CCBE1: variants seen among roughly 807,000 people sequenced by gnomAD.
CCBE1 encodes collagen and calcium-binding EGF domain-containing protein 1.
A neutral mutation model predicts 50.0 loss-of-function variants in CCBE1; 37 were observed. The observed-to-expected ratio is 0.74, with a 90% CI of 0.57 to 0.97. The LOEUF is 0.97. Ranked by LOEUF, CCBE1 falls within the 50% of genes least tolerant of loss-of-function variation. CCBE1 has a pLI of 0.00. For missense variants in CCBE1, 538 were observed against 523.8 expected, an observed-to-expected ratio of 1.03 and a Z score of -0.26; for synonymous variants, 234 against 203.7, an observed-to-expected ratio of 1.15 and a Z score of -1.27.
At chr18:59,442,741 T>A in intron 7 of CCBE1, among the ~76,000 whole-genome samples, 1 of 151,738 alleles carries the variant, frequency 6.6e-6, no homozygotes, top group South Asian at 2.1e-4. Flanking sequence ...AATAAATAAA[T>A]AAATAAAAAT....
intron 2 of CCBE1, among the ~76,000 whole-genome samples, chr18:59,592,536 A>G (rs537850714): frequency 9.8e-5 from 15 of 152,390 alleles, no homozygotes; most frequent in African/African-American, 3.4e-4. Context: ...CATCTACAAT[A>G]TATTGATAAG....
In CCBE1 at chr18:59,689,294, C is replaced by G. The variant is rs2054698811; in HGVS notation, c.212+7335G>C. ...ATGAGAAGCTTCACTCCAGATGAGG[C>G]AAATAGAATGTCCCACAGGAGTGGC... On this transcript the variant is annotated intron_variant, in intron 2 of 10. Transcript: ENST00000439986. Among the ~76,000 whole-genome samples, 5 of 152,300 alleles carry G rather than the reference C, an allele frequency of 3.3e-5. No homozygotes were observed. In the South Asian group the frequency reaches 1.0e-3, roughly 32 times the overall value.
intron 2 of CCBE1, among the ~76,000 whole-genome samples, chr18:59,679,894 G>A (rs747218916): frequency 3.4e-4 from 51 of 152,132 alleles, no homozygotes; most frequent in Non-Finnish European, 5.6e-4. Context: ...GAGCTTCCAG[G>A]TTGTAGGTAG....
chr18:59,603,875 C>A (rs1366921), intron 2 of CCBE1, among the ~76,000 whole-genome samples: 1 of 152,184 alleles, frequency 6.6e-6, no homozygotes, highest in Non-Finnish European at 1.5e-5. Flanking sequence ...GAAGCTCTGT[C>A]CTGACCTCCT....
chr18:59,466,353 C>T (rs926567258), intron 5 of CCBE1, among the ~76,000 whole-genome samples: 1 of 151,968 alleles, frequency 6.6e-6, no homozygotes, highest in Non-Finnish European at 1.5e-5. Context: ...CGTTCTCTTG[C>T]CTGCAACCGT....
chr18:59,572,140 T>C (rs1412263135), intron 2 of CCBE1, among the ~76,000 whole-genome samples: 1 of 152,244 alleles, frequency 6.6e-6, no homozygotes, highest in Non-Finnish European at 1.5e-5. Context: ...TCATAGTTAC[T>C]GAGCATGAAA....
At chr18:59,654,691 C>G (rs987629483) in intron 2 of CCBE1, among the ~76,000 whole-genome samples, 8 of 150,476 alleles carry the variant, frequency 5.3e-5, no homozygotes. Context: ...ACTTGGGAGG[C>G]TGAGGCAGAA....
chr18:59,676,709 T>G (rs935630326), intron 2 of CCBE1, among the ~76,000 whole-genome samples: 1 of 152,188 alleles, frequency 6.6e-6, no homozygotes, highest in Non-Finnish European at 1.5e-5. Flanking sequence ...CAAGCAATTT[T>G]AAGTACTACA....
intron 2 of CCBE1, among the ~76,000 whole-genome samples, chr18:59,562,137 T>C (rs2052747713): frequency 6.6e-6 from 1 of 152,158 alleles, no homozygotes; most frequent in Non-Finnish European, 1.5e-5. Context: ...AAAGATAAGT[T>C]AAAACAGTGA....
chr18:59,468,549 T>C (rs1006730063), intron 4 of CCBE1, among the ~76,000 whole-genome samples: 1 of 152,110 alleles, frequency 6.6e-6, no homozygotes, highest in Non-Finnish European at 1.5e-5. Flanking sequence ...TTGTCTGGCA[T>C]TGTGGGGCAC....
Position 59,597,368 on chromosome 18 carries a change from T to C in CCBE1, c.212+99261A>G, listed in dbSNP as rs148722692. ...GGAGTCAGGAAAGGAACAAAATGGG[T>C]AAGAATAAGGCATGAGCAAGGAGGC... On this transcript the variant is annotated intron_variant, in intron 2 of 10. Transcript: ENST00000439986. 1.7e-3 allele frequency among the ~76,000 whole-genome samples: 265 copies of C among 152,288 alleles called. 1 individual carries two copies. Among genetic ancestry groups the C allele is most frequent in the Non-Finnish European group, 3.0e-3 (202 of 68,026 alleles).
At chr18:59,583,668 TGTGTGTGTGTGTGCGCGCGC>T (rs1248496265) in intron 2 of CCBE1, among the ~76,000 whole-genome samples, 1,467 of 93,996 alleles carry the variant, frequency 0.016, 21 homozygotes, top group African/African-American at 0.058. Context: ...TGTGTGTGTG[TGTGTGTGTGTGTGCGCGCGC>T]GCGCGCGCGC....
Position 59,495,499 on chromosome 18 carries a change from T to C in CCBE1, c.213-15261A>G, listed in dbSNP as rs539259497. Among the ~76,000 whole-genome samples the C allele has an allele frequency of 2.5e-4, 38 of 151,578 alleles. No individual in the cohort carries two copies. The South Asian group carries it at 7.8e-3, about 31-fold the overall frequency. On this transcript the variant is annotated intron_variant, in intron 2 of 10. Coordinates refer to ENST00000439986, the MANE Select transcript of CCBE1 (RefSeq NM_133459.4). Reference sequence around the variant, plus strand: ...GTTGGCATCCTTGACATCACTTCCCTGACTAGCTCTTCCCTTTTTAACTCT... The same window carrying C: ...GTTGGCATCCTTGACATCACTTCCCCGACTAGCTCTTCCCTTTTTAACTCT...
chr18:59,644,141 G>A (rs1451128443), intron 2 of CCBE1, among the ~76,000 whole-genome samples: 1 of 152,198 alleles, frequency 6.6e-6, no homozygotes, highest in Non-Finnish European at 1.5e-5. Flanking sequence ...GCATTTATTA[G>A]ATTCTCACAA....
chr18:59,469,392 A>C (rs1039068024), intron 4 of CCBE1, 81 bp downstream of exon 4: 1 of 1,575,412 alleles, frequency 6.3e-7, no homozygotes, highest in Non-Finnish European at 8.7e-7. Context: ...AAGTATGAGA[A>C]CTGAAGGGTC....
intron 2 of CCBE1, among the ~76,000 whole-genome samples, chr18:59,560,926 G>A (rs1174430751): frequency 6.6e-6 from 1 of 152,212 alleles, no homozygotes; most frequent in African/African-American, 2.4e-5. Context: ...AAAGTCTTGA[G>A]ACCTGTAGTC....
intron 2 of CCBE1, among the ~76,000 whole-genome samples, chr18:59,684,155 G>A (rs1053862062): frequency 6.6e-6 from 1 of 152,168 alleles, no homozygotes; most frequent in Non-Finnish European, 1.5e-5. Flanking sequence ...ACTGTCAGGA[G>A]TCCACTCAGA....
In CCBE1 at chr18:59,477,285, C is replaced by G. The variant is rs115662133; in HGVS notation, c.265+2901G>C. Among the ~76,000 whole-genome samples, 1,056 of 151,832 alleles carry G rather than the reference C, an allele frequency of 7.0e-3. 17 individuals are homozygous for G. The highest frequency in any genetic ancestry group is 0.024 in the African/African-American group (1,008 of 41,180). On this transcript the variant is annotated intron_variant, in intron 3 of 10. Coordinates refer to ENST00000439986, the MANE Select transcript of CCBE1 (RefSeq NM_133459.4). ...TCACACCCTGTGATTAAAAAGTCAGCAGAAGACAACAACTCAATTCAGGCA... is the reference window on the plus strand; with the variant it reads ...TCACACCCTGTGATTAAAAAGTCAGGAGAAGACAACAACTCAATTCAGGCA...
chr18:59,663,015 C>T (rs1357195142), intron 2 of CCBE1, among the ~76,000 whole-genome samples: 1 of 127,992 alleles, frequency 7.8e-6, no homozygotes, highest in African/African-American at 3.5e-5. Flanking sequence ...CAATGTGCTT[C>T]ATTTTTTAAA....
Sources: gnomAD v4.1 joint callset for allele counts (sites outside exome capture counted in the v4.1 genomes callset) on GRCh38, gnomAD v4.1.1 for gene constraint, MANE v1.5 for transcripts, NCBI Gene and HGNC (gene_info 2026-07-23, HGNC 2026-07-21) for gene names.